AHRR: variants seen among roughly 807,000 people sequenced by gnomAD.
AHRR encodes the protein aryl hydrocarbon receptor repressor, also known as ahR repressor.
A neutral mutation model predicts 44.0 loss-of-function variants in AHRR; 28 were observed. That is an observed-to-expected ratio of 0.64 (90% CI 0.47 to 0.87). AHRR has a LOEUF of 0.87. AHRR is among the 40% of genes least tolerant of loss of function. The pLI is 0.00. For missense variants in AHRR, 990 were observed against 953.9 expected, an observed-to-expected ratio of 1.04 and a Z score of -0.50; for synonymous variants, 434 against 407.0, an observed-to-expected ratio of 1.07 and a Z score of -0.80.
chr5:378,002 G>A (rs1190883266), intron 4 of AHRR, among the ~76,000 whole-genome samples: 1 of 152,228 alleles, frequency 6.6e-6, no homozygotes, highest in Non-Finnish European at 1.5e-5. Context: ...AGGTTGAGCA[G>A]TTCCCGAAGT....
chr5:325,833 A>T (rs1051159426), intron 1 of AHRR, among the ~76,000 whole-genome samples: 6 of 151,946 alleles, frequency 3.9e-5, no homozygotes, highest in Non-Finnish European at 5.9e-5. Flanking sequence ...CCCAGGCTGG[A>T]GTGCAGTGGC....
At chr5:345,548 G>A (rs73041279) in intron 2 of AHRR, among the ~76,000 whole-genome samples, 2,724 of 146,812 alleles carry the variant, frequency 0.019, 81 homozygotes, top group African/African-American at 0.066. Context: ...CTGTGTGTGG[G>A]GATGTGTGTG....
In AHRR at chr5:434,835, C is replaced by T. The variant is rs770771996; in HGVS notation, c.*1C>T. 11 of 1,541,174 alleles carry T rather than the reference C, an allele frequency of 7.1e-6. No individual in the cohort carries two copies. The highest frequency in any genetic ancestry group is 2.0e-4 in the Middle Eastern group (1 of 4,902). ...TTCGGGGTGCACATTCCTGCCATAG[C>T]GCAGTGACCACCATCCAAGCTCAGA... is the stretch of plus-strand genomic sequence containing the variant. On this transcript the variant is annotated 3_prime_UTR_variant, in exon 11 of 11. Transcript: ENST00000684583.
At chr5:423,725 C>A in intron 6 of AHRR, 116 bp from the exon 7 acceptor site, 1 of 1,343,880 alleles carries the variant, frequency 7.4e-7, no homozygotes, top group Non-Finnish European at 9.9e-7. Context: ...GGGAGGATGG[C>A]ACAGTGATAG....
At chr5:379,749 A>G (rs2126451004) in intron 4 of AHRR, among the ~76,000 whole-genome samples, 1 of 152,282 alleles carries the variant, frequency 6.6e-6, no homozygotes, top group East Asian at 1.9e-4. Flanking sequence ...CCTTTCTCAT[A>G]TGTATGATTT....
At chr5:360,575 C>T (rs1743142889) in intron 3 of AHRR, among the ~76,000 whole-genome samples, 1 of 152,120 alleles carries the variant, frequency 6.6e-6, no homozygotes, top group African/African-American at 2.4e-5. Flanking sequence ...TTGGTGAGGG[C>T]TCAGAGAGGA....
chr5:355,903 C>G (rs548251897), intron 3 of AHRR, among the ~76,000 whole-genome samples: 44 of 152,388 alleles, frequency 2.9e-4, no homozygotes, highest in African/African-American at 9.9e-4. Context: ...TGATCCCCTT[C>G]AGGCTGTACA....
intron 4 of AHRR, among the ~76,000 whole-genome samples, chr5:378,792 T>C (rs180944422): frequency 2.0e-3 from 309 of 152,308 alleles, no homozygotes; most frequent in African/African-American, 7.1e-3. Flanking sequence ...TACAGGGCTG[T>C]TGGGTTTAGC....
In AHRR at chr5:419,979, C is replaced by T. The variant is rs538757145; in HGVS notation, c.442-2750C>T. Among the ~76,000 whole-genome samples, 1 of 152,280 alleles carries T rather than the reference C, an allele frequency of 6.6e-6. No individual in the cohort carries two copies. The highest frequency in any genetic ancestry group is 2.1e-4 in the South Asian group (1 of 4,824). The stretch of plus-strand genomic sequence containing the variant: ...CTTGTGGATCCCCTTTTCTGGCCAT[C>T]GGGATGTGGATGTGCATTTGTTAAA... On this transcript the variant is annotated intron_variant, in intron 5 of 10. Coordinates refer to ENST00000684583, the MANE Select transcript of AHRR (RefSeq NM_001377236.1). The surrounding 1 kb of genome is among the most constrained non-coding windows in gnomAD (Gnocchi z 4.4).
intron 4 of AHRR, among the ~76,000 whole-genome samples, chr5:396,242 A>T (rs996610092): frequency 6.6e-6 from 1 of 152,088 alleles, no homozygotes; most frequent in Non-Finnish European, 1.5e-5. Context: ...TGGCACCCCC[A>T]TCCTCAGGGG....
chr5:417,922 G>A lies in AHRR; in HGVS notation c.441+4489G>A, dbSNP rs1184611703. The stretch of plus-strand genomic sequence containing the variant: ...ATTCCCAGTCACAGCATGAGTGCAT[G>A]ATTTCAGTGTCTTCAAGCTCAGCAT... On this transcript the variant is annotated intron_variant, in intron 5 of 10. Coordinates refer to ENST00000684583, the MANE Select transcript of AHRR (RefSeq NM_001377236.1). Among the ~76,000 whole-genome samples, 5 of 152,236 alleles carry A rather than the reference G, an allele frequency of 3.3e-5. No homozygotes were observed. In the East Asian group the frequency reaches 9.6e-4, roughly 29 times the overall value.
At position 403,360 on chromosome 5, in the gene AHRR, G is replaced by C. The variant is rs551455135; in HGVS notation, c.352-9984G>C. 2.0e-5 allele frequency among the ~76,000 whole-genome samples: 3 copies of C among 152,294 alleles called. No homozygotes were observed. In the South Asian group the frequency reaches 6.2e-4, roughly 32 times the overall value. On this transcript the variant is annotated intron_variant, in intron 4 of 10. Coordinates refer to ENST00000684583, the MANE Select transcript of AHRR (RefSeq NM_001377236.1). ...GACTGAAATTTAACCACTTAGGTCG[G>C]GTGCAGTGGCTCACCCTGTAATCCC... is the stretch of plus-strand genomic sequence containing the variant.
At chr5:403,656 T>G (rs1410832733) in intron 4 of AHRR, 2 of 508,690 alleles carry the variant, frequency 3.9e-6, no homozygotes, top group South Asian at 2.5e-5. Context: ...AAAAAAAAAG[T>G]AACCACTTTA....
intron 3 of AHRR, among the ~76,000 whole-genome samples, chr5:369,076 C>T (rs1334933764): frequency 6.6e-6 from 1 of 152,108 alleles, no homozygotes; most frequent in South Asian, 2.1e-4. Flanking sequence ...TTTTTAAACC[C>T]CTCTGCCCCA....
At chr5:353,578 A>G in intron 2 of AHRR, 152 bp from the exon 3 acceptor site, 1 of 665,318 alleles carries the variant, frequency 1.5e-6, no homozygotes, top group Non-Finnish European at 2.5e-6. Context: ...CTATGTCTTG[A>G]GGCATGGGTG....
At position 396,498 on chromosome 5, in the gene AHRR, T is replaced by G. The variant is rs371292122; in HGVS notation, c.352-16846T>G. Among the ~76,000 whole-genome samples the G allele has an allele frequency of 2.6e-5, 4 of 152,298 alleles. No homozygotes were observed. The East Asian group carries it at 5.8e-4, about 22-fold the overall frequency. On this transcript the variant is annotated intron_variant, in intron 4 of 10. Transcript: ENST00000684583. ...CTGCTCCTGCCTCTGTTCTGGGCAC[T>G]TTCCCACAAGCCCCACAGAACACAC...
chr5:339,858 G>C (rs1742270591), intron 1 of AHRR, among the ~76,000 whole-genome samples: 1 of 151,722 alleles, frequency 6.6e-6, no homozygotes. Context: ...TTGGTGTTTG[G>C]ATGTTGAAGC....
chr5:429,554 C>T (rs143233205), intron 8 of AHRR, among the ~76,000 whole-genome samples: 71 of 152,346 alleles, frequency 4.7e-4, no homozygotes, highest in African/African-American at 1.6e-3. Context: ...TCTGTGACTC[C>T]GAGACCCACC....
chr5:431,046 C>T (rs747848077), intron 8 of AHRR, among the ~76,000 whole-genome samples: 2 of 152,236 alleles, frequency 1.3e-5, no homozygotes, highest in Non-Finnish European at 2.9e-5. Context: ...CTCCGCTTAC[C>T]GTCACCGTGG....
Sources: gnomAD v4.1 joint callset for allele counts (sites outside exome capture counted in the v4.1 genomes callset) on GRCh38, gnomAD v4.1.1 for gene constraint, Gnocchi (gnomAD v3.1) non-coding constraint, MANE v1.5 for transcripts, NCBI Gene and HGNC (gene_info 2026-07-23, HGNC 2026-07-21) for gene names.